Variants in CADPS observed in about 807,000 individuals in gnomAD.
CADPS encodes the protein calcium dependent secretion activator, also known as calcium-dependent secretion activator 1.
In CADPS, 57 loss-of-function variants were observed where a neutral mutation model predicts 167.3. The ratio of observed to expected loss-of-function variants is 0.34; its 90% CI spans 0.28 to 0.42. CADPS has a LOEUF of 0.42. Among genes scored for constraint, CADPS ranks in the 20% least tolerant of loss-of-function variants. The pLI, the probability that CADPS is intolerant of heterozygous loss-of-function variation, is 1.00. For synonymous variants in CADPS, 676 were observed against 635.3 expected, an observed-to-expected ratio of 1.06 and a Z score of -0.96; for missense variants, 1,414 against 1,738.1, an observed-to-expected ratio of 0.81 and a Z score of 3.32.
At chr3:62,785,977 C>T (rs914511089) in intron 1 of CADPS, among the ~76,000 whole-genome samples, 1 of 150,664 alleles carries the variant, frequency 6.6e-6, no homozygotes, top group Non-Finnish European at 1.5e-5. Flanking sequence ...TTTTGGGAGG[C>T]TGAGACAGGC....
At chr3:62,658,872 G>T (rs1288064539) in intron 4 of CADPS, among the ~76,000 whole-genome samples, 1 of 152,176 alleles carries the variant, frequency 6.6e-6, no homozygotes, top group East Asian at 1.9e-4. Flanking sequence ...TTGTGAATTT[G>T]CAGGGGATAA....
In CADPS at chr3:62,874,763, G is replaced by A. The variant is rs777774149; in HGVS notation, c.267C>T (p.Pro89=). Residue 89 remains proline, a synonymous_variant, in exon 1 of 30, where the codon CCC becomes CCT. Coordinates refer to ENST00000383710, the MANE Select transcript of CADPS (RefSeq NM_003716.4). The surrounding 1 kb of genome is among the most constrained non-coding windows in gnomAD (Gnocchi z 7.1). ...TCACCACCGACGGGCTGGGGCTGGA[G>A]GGCCGGCCGCCGCCAGCGCGGCTGC... ...QPSSRAGGGR[P]SSPSPSVVSE... 18 of 1,464,026 alleles carry A rather than the reference G, an allele frequency of 1.2e-5. No individual in the cohort carries two copies. The South Asian group carries it at 2.0e-4, about 16-fold the overall frequency. The allele number at this position is 1,464,026 out of a possible 1,614,324, so 90.7% of individuals were successfully genotyped here. A position where few individuals can be genotyped will look rare whatever the true frequency, so the allele number is the denominator to read the frequency against.
chr3:62,862,757 G>C (rs1033532353), intron 1 of CADPS, among the ~76,000 whole-genome samples: 3 of 152,140 alleles, frequency 2.0e-5, no homozygotes, highest in Admixed American at 6.6e-5. Context: ...ATAAAATGAA[G>C]CAATTTTTTA....
In CADPS at chr3:62,551,065, T is replaced by G. The variant is rs115881562; in HGVS notation, c.1754-950A>C. 3.5e-3 allele frequency among the ~76,000 whole-genome samples: 540 copies of G among 152,296 alleles called. 6 individuals carry two copies. Among genetic ancestry groups the G allele is most frequent in the African/African-American group, 0.012 (510 of 41,542 alleles). ...CTCTCATGGTGATGCCAACCAGCCTTTAAGTACCATGAGTATGCTGATGGC... is the reference window on the plus strand; with the variant it reads ...CTCTCATGGTGATGCCAACCAGCCTGTAAGTACCATGAGTATGCTGATGGC... On this transcript the variant is annotated intron_variant, in intron 10 of 29. Coordinates refer to ENST00000383710, the MANE Select transcript of CADPS (RefSeq NM_003716.4).
At chr3:62,757,526 G>T (rs912942309) in intron 2 of CADPS, among the ~76,000 whole-genome samples, 2 of 152,160 alleles carry the variant, frequency 1.3e-5, no homozygotes, top group African/African-American at 4.8e-5. Flanking sequence ...AATATGGAGC[G>T]AGACTATGTC....
intron 6 of CADPS, among the ~76,000 whole-genome samples, chr3:62,642,185 G>A (rs971630889): frequency 6.6e-6 from 1 of 151,936 alleles, no homozygotes; most frequent in Non-Finnish European, 1.5e-5. Context: ...CCAGTTATGG[G>A]GTGTAGTACT....
At chr3:62,605,329 T>G (rs1276999289) in intron 6 of CADPS, among the ~76,000 whole-genome samples, 1 of 152,124 alleles carries the variant, frequency 6.6e-6, no homozygotes, top group Non-Finnish European at 1.5e-5. Flanking sequence ...GCTATGCCCC[T>G]CATTTATAAA....
intron 28 of CADPS, among the ~76,000 whole-genome samples, chr3:62,411,510 T>C (rs1418292029): frequency 1.3e-5 from 2 of 152,248 alleles, no homozygotes; most frequent in Non-Finnish European, 2.9e-5. Context: ...ATATTTTATG[T>C]TTGAAGCTTT....
intron 16 of CADPS, chr3:62,513,554 G>A: frequency 1.1e-6 from 1 of 873,022 alleles, no homozygotes; most frequent in Non-Finnish European, 1.8e-6. Context: ...CAAGGAGAGT[G>A]AGTTGGTTTG....
At chr3:62,808,115 C>T (rs1280068274) in intron 1 of CADPS, among the ~76,000 whole-genome samples, 3 of 146,016 alleles carry the variant, frequency 2.1e-5, no homozygotes, top group South Asian at 2.2e-4. Context: ...CCTCATGATC[C>T]GCCAGCCTCA....
At chr3:62,533,916 T>C (rs2074207933) in intron 12 of CADPS, among the ~76,000 whole-genome samples, 1 of 152,178 alleles carries the variant, frequency 6.6e-6, no homozygotes, top group Admixed American at 6.5e-5. Flanking sequence ...TCTTATTATT[T>C]ATTTGCTTGC....
At chr3:62,651,334 T>TAC (rs1402073447) in intron 4 of CADPS, among the ~76,000 whole-genome samples, 1 of 152,234 alleles carries the variant, frequency 6.6e-6, no homozygotes, top group Non-Finnish European at 1.5e-5. Context: ...AATGCTTTAT[T>TAC]ACAGTTCTAT....
chr3:62,726,307 C>T lies in CADPS; in HGVS notation c.888+27134G>A, dbSNP rs191822192. Among the ~76,000 whole-genome samples, 3 of 151,988 alleles carry T rather than the reference C, an allele frequency of 2.0e-5. No homozygotes were observed. In the East Asian group the frequency reaches 5.8e-4, roughly 29 times the overall value. On this transcript the variant is annotated intron_variant, in intron 3 of 29. Transcript: ENST00000383710. ...TCCATGGAAGAGCTTTTGAATTCAT[C>T]TGGTTGGAAGAATTTCCTTCATTTC...
At chr3:62,531,010 TAAG>T (rs1308993195) in intron 13 of CADPS, among the ~76,000 whole-genome samples, 1 of 151,806 alleles carries the variant, frequency 6.6e-6, no homozygotes, top group Non-Finnish European at 1.5e-5. Flanking sequence ...GAAAAGAAAA[TAAG>T]AAATCCAAAA....
intron 1 of CADPS, among the ~76,000 whole-genome samples, chr3:62,781,565 CA>C (rs931480200): frequency 2.6e-5 from 4 of 152,106 alleles, no homozygotes; most frequent in African/African-American, 9.7e-5. Context: ...CAGAAATGGA[CA>C]GGGGAGCAAT....
chr3:62,519,326 G>C (rs2069825660), intron 13 of CADPS, among the ~76,000 whole-genome samples: 1 of 152,110 alleles, frequency 6.6e-6, no homozygotes, highest in Non-Finnish European at 1.5e-5. Context: ...AGCATAAGTT[G>C]GGAAAATCCT....
Position 62,499,252 on chromosome 3 carries a change from T to A in CADPS, c.2616A>T (p.Leu872Phe). 1 of 1,611,888 alleles carries A rather than the reference T, an allele frequency of 6.2e-7. No individual in the cohort carries two copies. Among genetic ancestry groups the A allele is most frequent in the East Asian group, 2.2e-5 (1 of 44,844 alleles). The change falls in exon 18 of 30, where the codon TTA (leucine) becomes TTT (phenylalanine). Residue 872 changes from leucine (L) to phenylalanine (F), a missense_variant. Transcript: ENST00000383710. ...CTTCAAGCTTTTTGGCAGGAGTGAT[T>A]AACCGGCCTACATTTTCTGTAGTAC... is the stretch of plus-strand genomic sequence containing the variant. ...NQKDAENVGR[L>F]ITPAKKLEDT...
chr3:62,522,254 A>T (rs560592793), intron 13 of CADPS, among the ~76,000 whole-genome samples: 1 of 152,262 alleles, frequency 6.6e-6, no homozygotes, highest in South Asian at 2.1e-4. Flanking sequence ...CTCCTACTGC[A>T]GCCTCCTGAG....
intron 17 of CADPS, chr3:62,499,698 T>C (rs1366516588): frequency 6.5e-6 from 1 of 153,754 alleles, no homozygotes. Context: ...TGCTACAGCG[T>C]AATTTTTCAT....
Sources: gnomAD v4.1 joint callset for allele counts (sites outside exome capture counted in the v4.1 genomes callset) on GRCh38, gnomAD v4.1.1 for gene constraint, Gnocchi (gnomAD v3.1) non-coding constraint, MANE v1.5 for transcripts, NCBI Gene and HGNC (gene_info 2026-07-23, HGNC 2026-07-21) for gene names.